The following RNF170 variants were observed in gnomAD, a reference collection of about 807,000 sequenced individuals.
The protein encoded by RNF170 is ring finger protein 170, also known as E3 ubiquitin-protein ligase RNF170.
RNF170 carries 12 observed loss-of-function variants against 32.7 expected under a neutral mutation model. The ratio of observed to expected loss-of-function variants is 0.37; its 90% confidence interval spans 0.24 to 0.60. RNF170 has a LOEUF of 0.60. Among genes scored for constraint, RNF170 ranks in the 20% least tolerant of loss-of-function variants. The pLI is 0.72. For missense variants in RNF170, 212 were observed against 311.2 expected, an observed-to-expected ratio of 0.68 and a Z score of 2.40; for synonymous variants, 91 against 103.6, an observed-to-expected ratio of 0.88 and a Z score of 0.74.
At chr8:42,863,980 A>AGAGAGAGAGTGTGT (rs149654513) in intron 5 of RNF170, among the ~76,000 whole-genome samples, 2 of 139,512 alleles carry the variant, frequency 1.4e-5, no homozygotes, top group Non-Finnish European at 3.1e-5. Context: ...AGAGAGAGAG[A>AGAGAGAGAGTGTGT]GTGTGTGTGT....
In RNF170 at chr8:42,853,595, C is replaced by T. The variant is rs1424743944; in HGVS notation, c.*2564G>A. On this transcript the variant is annotated 3_prime_UTR_variant, in exon 7 of 7. Coordinates refer to ENST00000527424, the MANE Select transcript of RNF170 (RefSeq NM_030954.4). ...TGGGGTTGGACCATCTGTTTTATGACAGTTATGATATTGTTGTTTAAAAAA... is the reference window on the plus strand; with the variant it reads ...TGGGGTTGGACCATCTGTTTTATGATAGTTATGATATTGTTGTTTAAAAAA... The T allele has an allele frequency of 7.8e-7, 1 of 1,285,856 alleles. No individual in the cohort carries two copies. The highest frequency in any genetic ancestry group is 5.6e-5 in the East Asian group (1 of 18,014). 79.7% of individuals were successfully genotyped at this position (1,285,856 alleles called of 1,614,324 possible).
chr8:42,863,964 GGAGA>G (rs779901675), intron 5 of RNF170, among the ~76,000 whole-genome samples: 5 of 128,316 alleles, frequency 3.9e-5, no homozygotes, highest in East Asian at 4.8e-4. Flanking sequence ...AAAGGCTGAA[GGAGA>G]GAGAGAGAGA....
chr8:42,851,554 G>T (rs1802941776), downstream of RNF170, among the ~76,000 whole-genome samples: 1 of 144,128 alleles, frequency 6.9e-6, no homozygotes, highest in Non-Finnish European at 1.5e-5. Flanking sequence ...GACAGAGTGA[G>T]ACTCCGTCTC....
chr8:42,886,886 G>A (rs1405641732), intron 2 of RNF170, among the ~76,000 whole-genome samples: 1 of 152,164 alleles, frequency 6.6e-6, no homozygotes, highest in Admixed American at 6.5e-5. Flanking sequence ...GGGCATAGTG[G>A]CTCATGAGTG....
intron 3 of RNF170, 125 bp downstream of exon 3, chr8:42,873,806 A>G (rs1162259857): frequency 3.0e-6 from 2 of 677,934 alleles, no homozygotes; most frequent in East Asian, 2.7e-5. Context: ...ATAAAATAAT[A>G]TAAGGTAATT....
At chr8:42,849,914 G>A (rs1160180945), downstream of RNF170, 2 of 152,280 alleles carry the variant, frequency 1.3e-5, no homozygotes, top group African/African-American at 4.8e-5. Context: ...ACATTAGGGA[G>A]GCAGATAGCA....
upstream of RNF170, chr8:42,896,796 C>G (rs927472248): frequency 8.9e-4 from 130 of 146,304 alleles, no homozygotes; most frequent in African/African-American, 2.7e-3. Flanking sequence ...GCGGGTCGGC[C>G]GGGGCGCGAG....
At chr8:42,868,154 A>G (rs1804258833) in intron 4 of RNF170, among the ~76,000 whole-genome samples, 1 of 152,234 alleles carries the variant, frequency 6.6e-6, no homozygotes, top group African/African-American at 2.4e-5. Context: ...CTTAAAGAAG[A>G]GACTGGAATG....
At chr8:42,867,796 A>G (rs796902845) in intron 4 of RNF170, among the ~76,000 whole-genome samples, 210 of 150,280 alleles carry the variant, frequency 1.4e-3, no homozygotes, top group African/African-American at 4.6e-3. Context: ...AAAAAAAAAA[A>G]AAAGAAAAAG....
upstream of RNF170, chr8:42,897,227 C>CCCCGCCACCTACCGGGA: frequency 8.3e-7 from 1 of 1,210,172 alleles, no homozygotes. Context: ...GACCCCCTCC[C>CCCCGCCACCTACCGGGA]CCCGCCACCT....
intron 1 of RNF170, among the ~76,000 whole-genome samples, chr8:42,892,962 C>T (rs1448462952): frequency 2.0e-5 from 3 of 152,026 alleles, no homozygotes; most frequent in Admixed American, 6.6e-5. Context: ...ACTCCAGCCT[C>T]GGTGACAGAA....
intron 5 of RNF170, among the ~76,000 whole-genome samples, chr8:42,862,453 C>G (rs1027509740): frequency 1.3e-5 from 2 of 152,124 alleles, no homozygotes; most frequent in Non-Finnish European, 2.9e-5. Flanking sequence ...GTACAAATGT[C>G]CCAGGACCAT....
chr8:42,853,429 G>C lies in RNF170; in HGVS notation c.*2730C>G. On this transcript the variant is annotated 3_prime_UTR_variant, in exon 7 of 7. Transcript: ENST00000527424. ...GGTAGGTATCTGCATAGCCACAAGG[G>C]ATCCACATAGTCCTTTCTTCCCTTG... 1.6e-6 allele frequency: 2 copies of C among 1,287,072 alleles called. No homozygotes were observed. The highest frequency in any genetic ancestry group is 2.0e-6 in the Non-Finnish European group (2 of 988,646). 79.7% of individuals were successfully genotyped at this position (1,287,072 alleles called of 1,614,324 possible). A position where few individuals can be genotyped will look rare whatever the true frequency, so the allele number is the denominator to read the frequency against.
rs145682228 is a variant in RNF170 at position 42,883,562 on chromosome 8, C to G, written c.137+4166G>C. Among the ~76,000 whole-genome samples, 720 of 91,560 alleles carry G rather than the reference C, an allele frequency of 7.9e-3. 13 individuals are homozygous for G. Among genetic ancestry groups the G allele is most frequent in the African/African-American group, 0.031 (687 of 22,384 alleles). 60.1% of individuals were successfully genotyped at this position (91,560 alleles called of 152,430 possible). On this transcript the variant is annotated intron_variant, in intron 2 of 6. Coordinates refer to ENST00000527424, the MANE Select transcript of RNF170 (RefSeq NM_030954.4). ...CCAGCCTAGGTGACAGAGTGAGACT[C>G]TGTCTCAGAAAAAAAAAAAAAAAAA...
chr8:42,853,913 T>C lies in RNF170; in HGVS notation c.*2246A>G, dbSNP rs541447699. The C allele has an allele frequency of 9.3e-6, 12 of 1,287,060 alleles. No individual in the cohort carries two copies. Among genetic ancestry groups the C allele is most frequent in the South Asian group, 7.4e-5 (6 of 80,932 alleles). 79.7% of individuals were successfully genotyped at this position (1,287,060 alleles called of 1,614,324 possible). On this transcript the variant is annotated 3_prime_UTR_variant, in exon 7 of 7. Transcript: ENST00000527424. ...GTCTTAGTAGTAACTCCAAATATTA[T>C]AATTATTGTAACCAGAATTGTGACA...
At chr8:42,876,489 T>C (rs1201436052) in intron 2 of RNF170, among the ~76,000 whole-genome samples, 1 of 151,844 alleles carries the variant, frequency 6.6e-6, no homozygotes, top group African/African-American at 2.4e-5. Flanking sequence ...CTCTCTTCCA[T>C]GTAAAGACAC....
downstream of RNF170, chr8:42,850,813 G>C: frequency 6.4e-7 from 1 of 1,551,608 alleles, no homozygotes; most frequent in Non-Finnish European, 8.7e-7. Context: ...CCAAAGGATG[G>C]AAACACAGTC....
chr8:42,892,891 G>A (rs1322511228), intron 1 of RNF170, among the ~76,000 whole-genome samples: 2 of 152,036 alleles, frequency 1.3e-5, no homozygotes, highest in Non-Finnish European at 2.9e-5. Context: ...GGAGGCTGAG[G>A]CATGAGAATT....
rs544049432 is a variant in RNF170, at chr8:42,870,865, T to G, written c.214-753A>C. Reference sequence around the variant, plus strand: ...TCAAAGACCTCACTAGGATGGATCATGAGGGCAAGGGATTTATCTGTAGGA... The same window carrying G: ...TCAAAGACCTCACTAGGATGGATCAGGAGGGCAAGGGATTTATCTGTAGGA... On this transcript the variant is annotated intron_variant, in intron 3 of 6. Coordinates refer to ENST00000527424, the MANE Select transcript of RNF170 (RefSeq NM_030954.4). Among the ~76,000 whole-genome samples, 3 of 152,308 alleles carry G rather than the reference T, an allele frequency of 2.0e-5. No homozygotes were observed. The East Asian group carries it at 5.8e-4, about 29-fold the overall frequency.
Sources: gnomAD v4.1 joint callset for allele counts (sites outside exome capture counted in the v4.1 genomes callset) on GRCh38, gnomAD v4.1.1 for gene constraint, MANE v1.5 for transcripts, NCBI Gene and HGNC (gene_info 2026-07-23, HGNC 2026-07-21) for gene names.